The following TMTC2 variants were observed in gnomAD, a reference collection of about 807,000 sequenced individuals.
The protein encoded by TMTC2 is protein O-mannosyl-transferase TMTC2.
In TMTC2, 43 loss-of-function variants were observed where a neutral mutation model predicts 82.4. The observed-to-expected ratio is 0.52, with a 90% CI of 0.41 to 0.67. The LOEUF is 0.67. Among genes scored for constraint, TMTC2 ranks in the 30% least tolerant of loss-of-function variants. The probability of loss-of-function intolerance (pLI) is 0.00; values close to 1 mark genes in which losing one functional copy is unlikely to be tolerated. For synonymous variants in TMTC2, 408 were observed against 381.9 expected (o/e 1.07, Z -0.80); for missense variants, 919 against 1,012.4 (o/e 0.91, Z 1.25).
At chr12:82,993,502 A>G (rs986475150) in intron 8 of TMTC2, among the ~76,000 whole-genome samples, 1 of 152,208 alleles carries the variant, frequency 6.6e-6, no homozygotes, top group East Asian at 1.9e-4. Context: ...TCATAAATAC[A>G]TAAAATATAC....
At chr12:82,964,966 T>C in intron 4 of TMTC2, 58 bp from the exon 5 acceptor site, 1 of 1,169,848 alleles carries the variant, frequency 8.5e-7, no homozygotes, top group Admixed American at 2.3e-5. Flanking sequence ...AATAAAAATT[T>C]GTGGTTTTAT....
At chr12:82,935,456 A>G (rs959647111) in intron 4 of TMTC2, among the ~76,000 whole-genome samples, 2 of 152,158 alleles carry the variant, frequency 1.3e-5, no homozygotes, top group Non-Finnish European at 2.9e-5. Flanking sequence ...TTGTCTTTTC[A>G]TGTATAATAC....
chr12:82,864,610 A>T lies in TMTC2; in HGVS notation c.654+7030A>T, dbSNP rs12820228. On this transcript the variant is annotated intron_variant, in intron 2 of 11. Transcript: ENST00000321196. ...TCCGCCTCCCGGGTTCCAGCGATTC[A>T]CCTACCTCAGCCTCCCGAGTAGCTG... Among the ~76,000 whole-genome samples the T allele has an allele frequency of 5.7e-5, 8 of 141,570 alleles. No homozygotes were observed. In the East Asian group the frequency reaches 1.5e-3, roughly 26 times the overall value. 92.9% of individuals were successfully genotyped at this position (141,570 alleles called of 152,430 possible).
intron 1 of TMTC2, among the ~76,000 whole-genome samples, chr12:82,771,240 G>A (rs894925983): frequency 1.4e-5 from 2 of 147,740 alleles, no homozygotes; most frequent in African/African-American, 5.1e-5. Context: ...TCGAATGCAA[G>A]CGAGTTTGCC....
At chr12:83,090,135 T>A (rs972262305) in intron 11 of TMTC2, among the ~76,000 whole-genome samples, 7 of 152,230 alleles carry the variant, frequency 4.6e-5, no homozygotes, top group Non-Finnish European at 1.0e-4. Flanking sequence ...TTGGATGTTT[T>A]AAGTGTGGCA....
intron 8 of TMTC2, among the ~76,000 whole-genome samples, chr12:83,028,381 CAG>C (rs767565583): frequency 2.8e-4 from 42 of 152,230 alleles, no homozygotes; most frequent in Non-Finnish European, 5.1e-4. Flanking sequence ...GCAGAAAGTA[CAG>C]AGTGTTCCCA....
intron 9 of TMTC2, among the ~76,000 whole-genome samples, chr12:83,036,283 A>G (rs1881657611): frequency 6.6e-6 from 1 of 152,106 alleles, no homozygotes; most frequent in Non-Finnish European, 1.5e-5. Flanking sequence ...AGGAGACACA[A>G]ATTGTAAAAA....
At chr12:82,975,915 A>C (rs1878649833) in intron 7 of TMTC2, among the ~76,000 whole-genome samples, 1 of 150,618 alleles carries the variant, frequency 6.6e-6, no homozygotes. Flanking sequence ...AAATAATGCT[A>C]TTTAGCACTT....
chr12:83,041,850 A>G (rs1044432663), intron 9 of TMTC2, among the ~76,000 whole-genome samples: 1 of 152,194 alleles, frequency 6.6e-6, no homozygotes, highest in Non-Finnish European at 1.5e-5. Flanking sequence ...CTCTGTAGCT[A>G]CAAATCTCAA....
At chr12:83,081,542 T>G (rs1883468212) in intron 11 of TMTC2, among the ~76,000 whole-genome samples, 1 of 152,200 alleles carries the variant, frequency 6.6e-6, no homozygotes, top group African/African-American at 2.4e-5. Flanking sequence ...CATCAGATTT[T>G]ATTTCTACTA....
rs115275189 is a variant in TMTC2, at chr12:82,731,717, G to A, written c.83+44048G>A. Reference sequence around the variant, plus strand: ...TCTTCAATACACAGTCTAGTTATGTGTGTGTGCTGCAATTAAACTGCTGTG... The same window carrying A: ...TCTTCAATACACAGTCTAGTTATGTATGTGTGCTGCAATTAAACTGCTGTG... On this transcript the variant is annotated intron_variant, in intron 1 of 11. Coordinates refer to ENST00000321196, the MANE Select transcript of TMTC2 (RefSeq NM_152588.3). 1.6e-3 allele frequency among the ~76,000 whole-genome samples: 248 copies of A among 152,314 alleles called. 1 individual carries two copies. The highest frequency in any genetic ancestry group is 5.5e-3 in the African/African-American group (228 of 41,580).
chr12:82,819,052 T>C (rs1868921262), intron 1 of TMTC2, among the ~76,000 whole-genome samples: 1 of 152,054 alleles, frequency 6.6e-6, no homozygotes, highest in African/African-American at 2.4e-5. Flanking sequence ...GTGGGAATTC[T>C]ACAGGGTTTA....
intron 1 of TMTC2, among the ~76,000 whole-genome samples, chr12:82,697,860 G>A (rs1872884651): frequency 6.6e-6 from 1 of 152,108 alleles, no homozygotes; most frequent in African/African-American, 2.4e-5. Flanking sequence ...TGCTTTTGTT[G>A]AACAACCCAT....
At chr12:82,956,228 T>C (rs1390397584) in intron 4 of TMTC2, among the ~76,000 whole-genome samples, 1 of 152,092 alleles carries the variant, frequency 6.6e-6, no homozygotes, top group African/African-American at 2.4e-5. Context: ...CCTCACATAT[T>C]AATATTAATC....
intron 3 of TMTC2, among the ~76,000 whole-genome samples, chr12:82,904,027 C>T (rs1874167050): frequency 6.6e-6 from 1 of 152,144 alleles, no homozygotes; most frequent in South Asian, 2.1e-4. Flanking sequence ...CAAGGCAAAA[C>T]TCTTCCAATC....
At chr12:82,744,462 G>A (rs926821762) in intron 1 of TMTC2, among the ~76,000 whole-genome samples, 2 of 151,508 alleles carry the variant, frequency 1.3e-5, no homozygotes, top group African/African-American at 4.8e-5. Flanking sequence ...CACAGCTGTT[G>A]TCCTAGCTAT....
chr12:82,933,205 GAA>G (rs1364321884), intron 4 of TMTC2, among the ~76,000 whole-genome samples: 5 of 152,100 alleles, frequency 3.3e-5, no homozygotes, highest in African/African-American at 1.2e-4. Context: ...GCAATGATTG[GAA>G]AGTATTGGCT....
chr12:82,696,240 A>G (rs539663356), intron 1 of TMTC2, among the ~76,000 whole-genome samples: 16 of 152,336 alleles, frequency 1.1e-4, no homozygotes, highest in Admixed American at 1.0e-3. Flanking sequence ...AGAGGGAGGC[A>G]ATTATTTATA....
intron 4 of TMTC2, among the ~76,000 whole-genome samples, chr12:82,950,787 A>G (rs116457631): frequency 0.034 from 5,207 of 152,292 alleles, 104 homozygotes; most frequent in South Asian, 0.051. Flanking sequence ...TTAGACTCTT[A>G]AGGAAAAACT....
Sources: allele counts gnomAD v4.1 joint callset (sites outside exome capture counted in the v4.1 genomes callset), GRCh38; gene constraint gnomAD v4.1.1; transcripts MANE v1.5; gene names NCBI Gene and HGNC (gene_info 2026-07-23, HGNC 2026-07-21).